Variants in SHTN1 observed in about 807,000 individuals in gnomAD.
SHTN1 encodes the protein shootin-1.
In SHTN1, 42 loss-of-function variants were observed where a neutral mutation model predicts 83.1. The observed-to-expected ratio is 0.51, with a 90% confidence interval of 0.39 to 0.65. The LOEUF (loss-of-function observed/expected upper bound fraction) is 0.65, where lower values mean the gene tolerates loss of function less well. Among genes scored for constraint, SHTN1 ranks in the 30% least tolerant of loss-of-function variants. The pLI, the probability that SHTN1 is intolerant of heterozygous loss-of-function variation, is 0.00. For synonymous variants in SHTN1, 224 were observed against 247.7 expected, an observed-to-expected ratio of 0.90 and a Z score of 0.90; for missense variants, 622 against 737.8, an observed-to-expected ratio of 0.84 and a Z score of 1.82.
At chr10:117,005,331 G>A (rs1851980699), upstream of SHTN1, 1 of 1,317,022 alleles carries the variant, frequency 7.6e-7, no homozygotes, top group Non-Finnish European at 9.7e-7. Flanking sequence ...GGGGGTGGAG[G>A]AACGAGGGCG....
chr10:116,955,858 T>C (rs1849962516), intron 4 of SHTN1, among the ~76,000 whole-genome samples: 1 of 152,154 alleles, frequency 6.6e-6, no homozygotes, highest in East Asian at 1.9e-4. Context: ...TCTCCAACTC[T>C]AGCTTCTGTC....
At chr10:117,036,099 A>G (rs1042530397) in intron 2 of SHTN1, among the ~76,000 whole-genome samples, 14 of 152,150 alleles carry the variant, frequency 9.2e-5, no homozygotes, top group Admixed American at 4.6e-4. Flanking sequence ...CATCTTAACC[A>G]CAGTTAAAAT....
chr10:117,053,735 C>T (rs2133590458), intron 1 of SHTN1, among the ~76,000 whole-genome samples: 1 of 152,248 alleles, frequency 6.6e-6, no homozygotes, highest in East Asian at 1.9e-4. Context: ...TACCACATGA[C>T]TCAGCAATTC....
chr10:117,028,703 G>A (rs936413193), intron 2 of SHTN1, among the ~76,000 whole-genome samples: 2 of 152,156 alleles, frequency 1.3e-5, no homozygotes, highest in African/African-American at 4.8e-5. Context: ...GCAAGCCTTG[G>A]CAGTTCCCAC....
intron 2 of SHTN1, among the ~76,000 whole-genome samples, chr10:117,042,159 T>C (rs1398382158): frequency 6.6e-6 from 1 of 152,220 alleles, no homozygotes; most frequent in African/African-American, 2.4e-5. Flanking sequence ...TTACAGGCCA[T>C]CTTTACCAGG....
chr10:116,995,108 G>A (rs1851582249), intron 1 of SHTN1, among the ~76,000 whole-genome samples: 2 of 152,012 alleles, frequency 1.3e-5, no homozygotes, highest in South Asian at 4.1e-4. Context: ...ACTCCCATCA[G>A]ATCTTTAACC....
chr10:117,104,479 A>G (rs189234179), intron 1 of SHTN1, among the ~76,000 whole-genome samples: 5 of 152,332 alleles, frequency 3.3e-5, no homozygotes, highest in Middle Eastern at 3.4e-3. Context: ...GGACAGAAAT[A>G]GTAGCTCTCG....
intron 15 of SHTN1, among the ~76,000 whole-genome samples, chr10:116,903,988 A>G (rs1387246067): frequency 6.6e-6 from 1 of 152,240 alleles, no homozygotes; most frequent in Non-Finnish European, 1.5e-5. Flanking sequence ...ACAAGGGAAC[A>G]TTAGTTAAAT....
At chr10:116,911,993 G>A in intron 13 of SHTN1, 150 bp from the exon 14 acceptor site, 1 of 622,890 alleles carries the variant, frequency 1.6e-6, no homozygotes, top group Non-Finnish European at 2.8e-6. Context: ...CTTAAGGTTA[G>A]GAAAAAATAC....
intron 2 of SHTN1, among the ~76,000 whole-genome samples, chr10:117,019,545 AAAG>A (rs1332393182): frequency 6.6e-6 from 1 of 152,204 alleles, no homozygotes; most frequent in East Asian, 1.9e-4. Context: ...ATATATTGAA[AAAG>A]AAAAGAAAAC....
At chr10:117,084,382 G>A (rs989614333) in intron 1 of SHTN1, among the ~76,000 whole-genome samples, 2 of 152,234 alleles carry the variant, frequency 1.3e-5, no homozygotes, top group Admixed American at 1.3e-4. Flanking sequence ...ACTTGAGGAG[G>A]CAGTCTGACT....
intron 1 of SHTN1, among the ~76,000 whole-genome samples, chr10:117,094,004 T>C (rs887619184): frequency 7.9e-5 from 12 of 152,120 alleles, no homozygotes; most frequent in African/African-American, 2.9e-4. Context: ...GAAACAAATT[T>C]GATATATTTT....
chr10:117,108,958 C>T (rs1290611180), intron 1 of SHTN1, among the ~76,000 whole-genome samples: 1 of 152,036 alleles, frequency 6.6e-6, no homozygotes, highest in African/African-American at 2.4e-5. Flanking sequence ...AACCTGGGAA[C>T]GTGATGGAAA....
At chr10:117,111,473 T>A (rs1679312880) in intron 1 of SHTN1, among the ~76,000 whole-genome samples, 1 of 151,882 alleles carries the variant, frequency 6.6e-6, no homozygotes, top group African/African-American at 2.4e-5. Context: ...TTTGTATTTT[T>A]AGTAGAGACG....
At position 116,911,828 on chromosome 10, in the gene SHTN1, C is replaced by T; in HGVS notation, c.1321G>A (p.Gly441Ser). The T allele has an allele frequency of 6.2e-7, 1 of 1,612,366 alleles. No individual in the cohort carries two copies. Among genetic ancestry groups the T allele is most frequent in the Non-Finnish European group, 8.5e-7 (1 of 1,178,514 alleles). The stretch of plus-strand genomic sequence containing the variant: ...AGTTCATCCACTGCACTTTCGCAGC[C>T]TTTCGAAGATTCTGGCTATAATTTT... Reference protein sequence around the residue: ...RPKTKPESSKGCESAVDELKG... With the variant: ...RPKTKPESSKSCESAVDELKG... The change falls in exon 14 of 17, where the codon GGC becomes AGC. Residue 441 changes from glycine to serine, a missense_variant. Gly to Ser is a moderately conservative substitution (Grantham distance 56). Around this residue, in one of 3 missense-constraint regions of SHTN1, gnomAD observed 231 missense variants for 251.6 expected, o/e 0.92. Transcript: ENST00000355371.
intron 1 of SHTN1, among the ~76,000 whole-genome samples, chr10:117,117,996 T>A (rs2133644074): frequency 6.6e-6 from 1 of 152,214 alleles, no homozygotes; most frequent in African/African-American, 2.4e-5. Flanking sequence ...GATTTTTGTG[T>A]AAGACCTCAA....
intron 1 of SHTN1, among the ~76,000 whole-genome samples, chr10:117,105,918 G>A (rs997577811): frequency 1.3e-5 from 2 of 152,122 alleles, no homozygotes; most frequent in African/African-American, 2.4e-5. Context: ...GGAGGCTGAG[G>A]TGGGAGGATC....
At chr10:116,921,196 C>T (rs757448592) in intron 12 of SHTN1, among the ~76,000 whole-genome samples, 1 of 152,016 alleles carries the variant, frequency 6.6e-6, no homozygotes, top group Non-Finnish European at 1.5e-5. Context: ...GTACCCTGAC[C>T]TTTAATGAAA....
intron 16 of SHTN1, among the ~76,000 whole-genome samples, chr10:116,894,601 G>A (rs1847447681): frequency 1.3e-5 from 2 of 152,156 alleles, no homozygotes; most frequent in African/African-American, 4.8e-5. Flanking sequence ...TGAAAGCACT[G>A]CAAACCACAC....
Sources: gnomAD v4.1 joint callset for allele counts (sites outside exome capture counted in the v4.1 genomes callset) on GRCh38, gnomAD v4.1.1 for gene constraint, gnomAD v4.1.1 regional missense constraint, MANE v1.5 for transcripts, NCBI Gene and HGNC (gene_info 2026-07-23, HGNC 2026-07-21) for gene names.